GRID1: variants seen among roughly 807,000 people sequenced by gnomAD.
GRID1 encodes glutamate ionotropic receptor delta type subunit 1.
GRID1 carries 28 observed loss-of-function variants against 98.0 expected under a neutral mutation model. The ratio of observed to expected loss-of-function variants is 0.29; its 90% CI spans 0.21 to 0.39. GRID1 has a LOEUF of 0.39. GRID1 is among the 10% of genes least tolerant of loss of function. GRID1 has a pLI of 1.00. For missense variants in GRID1, 1,111 were observed against 1,340.5 expected (o/e 0.83, Z 2.67); for synonymous variants, 553 against 538.5 (o/e 1.03, Z -0.37).
chr10:86,269,047 G>A (rs956295130), intron 2 of GRID1, among the ~76,000 whole-genome samples: 1 of 152,144 alleles, frequency 6.6e-6, no homozygotes. Flanking sequence ...TCAAATCCAA[G>A]CTAAGTCACG....
chr10:85,930,224 CTT>C, intron 4 of GRID1, among the ~76,000 whole-genome samples: 1 of 150,736 alleles, frequency 6.6e-6, no homozygotes, highest in South Asian at 2.1e-4. Context: ...CTACAAATAA[CTT>C]GCGGTTATTT....
intron 8 of GRID1, among the ~76,000 whole-genome samples, chr10:85,835,251 C>G (rs1218397620): frequency 6.6e-6 from 1 of 152,160 alleles, no homozygotes; most frequent in Non-Finnish European, 1.5e-5. Context: ...ACAACCCCAT[C>G]TCGGCATCTG....
At chr10:86,259,096 G>C (rs1040463180) in intron 2 of GRID1, among the ~76,000 whole-genome samples, 5 of 152,270 alleles carry the variant, frequency 3.3e-5, no homozygotes, top group Non-Finnish European at 5.9e-5. Flanking sequence ...TCAAAAAGGT[G>C]GGCGCTGATG....
intron 8 of GRID1, among the ~76,000 whole-genome samples, chr10:85,765,417 A>G (rs1842188160): frequency 6.6e-6 from 1 of 152,174 alleles, no homozygotes; most frequent in South Asian, 2.1e-4. Context: ...AGTAGGATAC[A>G]AGTTGAGCAC....
chr10:85,896,893 G>T (rs1841300903), intron 5 of GRID1, among the ~76,000 whole-genome samples: 3 of 152,124 alleles, frequency 2.0e-5, no homozygotes, highest in Non-Finnish European at 4.4e-5. Context: ...ATTTACAATA[G>T]CATTAACCAA....
intron 4 of GRID1, among the ~76,000 whole-genome samples, chr10:86,112,383 C>T (rs1031673702): frequency 6.6e-6 from 1 of 152,196 alleles, no homozygotes; most frequent in African/African-American, 2.4e-5. Flanking sequence ...GTGAATGTCA[C>T]GTCAAGAATC....
At chr10:85,806,207 C>T (rs1842622002) in intron 8 of GRID1, among the ~76,000 whole-genome samples, 2 of 152,028 alleles carry the variant, frequency 1.3e-5, no homozygotes, top group African/African-American at 2.4e-5. Flanking sequence ...CCAACAAGCA[C>T]ATGAAATGAT....
chr10:85,962,892 C>T (rs1286370315), intron 4 of GRID1, among the ~76,000 whole-genome samples: 1 of 152,174 alleles, frequency 6.6e-6, no homozygotes, highest in African/African-American at 2.4e-5. Context: ...CTGAGTGAGA[C>T]TTGGTTCCTA....
intron 3 of GRID1, among the ~76,000 whole-genome samples, chr10:86,157,105 T>C (rs891472465): frequency 6.6e-6 from 1 of 152,030 alleles, no homozygotes; most frequent in Non-Finnish European, 1.5e-5. Context: ...AAGGTGGCAA[T>C]AGTGAATCCA....
intron 14 of GRID1, among the ~76,000 whole-genome samples, chr10:85,616,061 C>T (rs1185462990): frequency 6.6e-6 from 1 of 152,168 alleles, no homozygotes; most frequent in Non-Finnish European, 1.5e-5. Context: ...CACATACAGA[C>T]CGTTAGCTCG....
At chr10:85,880,574 C>G (rs1012838283) in intron 5 of GRID1, among the ~76,000 whole-genome samples, 32 of 151,408 alleles carry the variant, frequency 2.1e-4, no homozygotes, top group South Asian at 4.2e-4. Context: ...ATTCAACAAC[C>G]CTTCATGCTA....
At chr10:85,805,624 T>G (rs910984662) in intron 8 of GRID1, among the ~76,000 whole-genome samples, 19 of 152,070 alleles carry the variant, frequency 1.2e-4, no homozygotes, top group African/African-American at 4.6e-4. Context: ...GGTATTAGCT[T>G]AAAGATAAGT....
intron 3 of GRID1, among the ~76,000 whole-genome samples, chr10:86,164,905 A>G (rs1326747312): frequency 6.6e-6 from 1 of 152,178 alleles, no homozygotes; most frequent in East Asian, 1.9e-4. Flanking sequence ...GTGATAAAGC[A>G]TGTCCTTGGG....
In GRID1 at chr10:86,071,372, C is replaced by T. The variant is rs948601337; in HGVS notation, c.726+67447G>A. Among the ~76,000 whole-genome samples, 3 of 152,328 alleles carry T rather than the reference C, an allele frequency of 2.0e-5. 1 individual carries two copies. The South Asian group carries it at 6.2e-4, about 32-fold the overall frequency. ...CACAATGACTTGCATCCTGGCTCTG[C>T]CTTTCATGTTATAGAAGCTCGGCAA... On this transcript the variant is annotated intron_variant, in intron 4 of 15. Transcript: ENST00000327946.
intron 14 of GRID1, among the ~76,000 whole-genome samples, chr10:85,616,914 T>C (rs1183213727): frequency 6.6e-6 from 1 of 152,212 alleles, no homozygotes; most frequent in Non-Finnish European, 1.5e-5. Flanking sequence ...TTGCTAAACA[T>C]TTATTGAATG....
At position 85,602,422 on chromosome 10, in the gene GRID1, T is replaced by C; in HGVS notation, c.2881A>G (p.Met961Val). Residue 961 changes from methionine (M) to valine (V), a missense_variant, in exon 16 of 16, where the codon ATG becomes GTG. Met to Val is a conservative substitution (Grantham distance 21, BLOSUM62 1). Around this residue, in one of 3 missense-constraint regions of GRID1, gnomAD observed 762 missense variants for 869.1 expected, o/e 0.88. Coordinates refer to ENST00000327946, the MANE Select transcript of GRID1 (RefSeq NM_017551.3). ...LPLPLSSSAT[M>V]PSMQCKHRSP... ...CTGTGTTTGCACTGCATGGAGGGCATGGTCGCCGAGCTGCTCAGCGGCAGC... is the reference window on the plus strand; with the variant it reads ...CTGTGTTTGCACTGCATGGAGGGCACGGTCGCCGAGCTGCTCAGCGGCAGC... The C allele has an allele frequency of 6.2e-7, 1 of 1,614,084 alleles. No homozygotes were observed. Among genetic ancestry groups the C allele is most frequent in the Non-Finnish European group, 8.5e-7 (1 of 1,180,006 alleles).
intron 4 of GRID1, among the ~76,000 whole-genome samples, chr10:85,930,966 A>G (rs1483160701): frequency 3.9e-5 from 6 of 152,002 alleles, no homozygotes; most frequent in South Asian, 4.2e-4. Flanking sequence ...CAGTCTCCCA[A>G]GCAGCTGAGA....
chr10:86,311,227 T>C (rs1015714921), intron 2 of GRID1, among the ~76,000 whole-genome samples: 1 of 152,142 alleles, frequency 6.6e-6, no homozygotes, highest in Non-Finnish European at 1.5e-5. Context: ...TATTAAGAAA[T>C]GTCCTTAAAT....
chr10:86,087,334 AG>A (rs566325035), intron 4 of GRID1, among the ~76,000 whole-genome samples: 1 of 130,916 alleles, frequency 7.6e-6, no homozygotes, highest in African/African-American at 3.4e-5. Context: ...TGTGGGTTTG[AG>A]TGTGTTTGTG....
Sources: gnomAD v4.1 joint callset for allele counts (sites outside exome capture counted in the v4.1 genomes callset) on GRCh38, gnomAD v4.1.1 for gene constraint, gnomAD v4.1.1 regional missense constraint, MANE v1.5 for transcripts, NCBI Gene and HGNC (gene_info 2026-07-23, HGNC 2026-07-21) for gene names.